The following SETX variants were observed in gnomAD, a reference collection of about 807,000 sequenced individuals.
The protein encoded by SETX is helicase senataxin.
SETX carries 90 observed loss-of-function variants against 227.2 expected under a neutral mutation model. The observed-to-expected ratio is 0.40, with a 90% CI of 0.33 to 0.47. The LOEUF is 0.47. SETX is among the 20% of genes least tolerant of loss of function. SETX has a pLI of 0.91. For synonymous variants in SETX, 1,210 were observed against 1,113.2 expected, an observed-to-expected ratio of 1.09 and a Z score of -1.73; for missense variants, 3,052 against 3,181.5, an observed-to-expected ratio of 0.96 and a Z score of 0.98.
At chr9:132,302,681 CAAAAAA>C (rs57673567) in intron 11 of SETX, among the ~76,000 whole-genome samples, 1 of 78,482 alleles carries the variant, frequency 1.3e-5, no homozygotes, top group Middle Eastern at 7.7e-3. Flanking sequence ...AAAAAAAAAG[CAAAAAA>C]AAAAAAAAAA....
chr9:132,283,216 T>TA, intron 19 of SETX, 48 bp downstream of exon 19: 1 of 1,611,894 alleles, frequency 6.2e-7, no homozygotes, highest in Non-Finnish European at 8.5e-7. Context: ...ATCTAAGACT[T>TA]ACTCCTCATA....
chr9:132,341,377 C>A (rs939217722), intron 5 of SETX, among the ~76,000 whole-genome samples: 11 of 152,140 alleles, frequency 7.2e-5, no homozygotes, highest in Admixed American at 7.2e-4. Context: ...TCAGAGCATG[C>A]GCTTTCCTCG....
At chr9:132,337,218 T>A (rs1255593713) in intron 5 of SETX, among the ~76,000 whole-genome samples, 2 of 152,072 alleles carry the variant, frequency 1.3e-5, no homozygotes, top group African/African-American at 4.8e-5. Context: ...CATGTATTGA[T>A]AAAGCTAACT....
In SETX at chr9:132,275,509, TTATAG is replaced by T. The variant is rs1679386729; in HGVS notation, c.6936-94_6936-90del. ...TAAGTTCCACTGAGTTTGTTTCCCA[TTATAG>T]TAAAGGGCAGGCAGATAGGCTTCAT... On this transcript the variant is annotated intron_variant, in intron 22 of 25. Coordinates refer to ENST00000224140, the MANE Select transcript of SETX (RefSeq NM_015046.7). The T allele has an allele frequency of 5.9e-5, 71 of 1,207,794 alleles. No homozygotes were observed. The South Asian group carries it at 9.2e-4, about 16-fold the overall frequency. 74.8% of individuals were successfully genotyped at this position (1,207,794 alleles called of 1,614,324 possible). A position where few individuals can be genotyped will look rare whatever the true frequency, so the allele number is the denominator to read the frequency against.
intron 20 of SETX, among the ~76,000 whole-genome samples, chr9:132,279,167 GAA>G (rs1843352833): frequency 6.6e-6 from 1 of 152,242 alleles, no homozygotes; most frequent in African/African-American, 2.4e-5. Flanking sequence ...TCTGCAATCT[GAA>G]AAACAGTGAC....
At chr9:132,274,153 T>C (rs1248213428) in intron 23 of SETX, among the ~76,000 whole-genome samples, 1 of 152,136 alleles carries the variant, frequency 6.6e-6, no homozygotes. Context: ...TAAATCCTTG[T>C]AATAACCTGC....
chr9:132,332,993 T>C (rs886648172), intron 7 of SETX, among the ~76,000 whole-genome samples: 167 of 151,828 alleles, frequency 1.1e-3, no homozygotes, highest in African/African-American at 3.9e-3. Context: ...GACAGAATTA[T>C]ACATGTAGTT....
intron 20 of SETX, among the ~76,000 whole-genome samples, chr9:132,278,869 T>C (rs1308812429): frequency 6.6e-6 from 1 of 151,962 alleles, no homozygotes; most frequent in African/African-American, 2.4e-5. Flanking sequence ...CATTCATCCA[T>C]CTAATATGTA....
chr9:132,264,388 G>GGCCTCT lies in SETX; in HGVS notation c.7884_7885insAGAGGC (p.Glu2628_Leu2629insArgGly). 6.2e-7 allele frequency: 1 copy of GGCCTCT among 1,614,176 alleles called. No homozygotes were observed. The highest frequency in any genetic ancestry group is 8.5e-7 in the Non-Finnish European group (1 of 1,180,028). Reference sequence around the variant, plus strand: ...GCCCTGGCCTCTCTCCTGTGACAGAGCTCCTCTTCCGGGTCATCACATTTG... The same window carrying GGCCTCT: ...GCCCTGGCCTCTCTCCTGTGACAGAGGCCTCTCTCCTCTTCCGGGTCATCACATTTG... On this transcript the variant is annotated inframe_insertion, in exon 26 of 26. Transcript: ENST00000224140.
At chr9:132,348,702 G>C (rs1409357133) in intron 3 of SETX, among the ~76,000 whole-genome samples, 1 of 151,552 alleles carries the variant, frequency 6.6e-6, no homozygotes, top group Non-Finnish European at 1.5e-5. Context: ...AAACCGGAAG[G>C]ATCACTTGAG....
Position 132,303,191 on chromosome 9 carries a change from T to G in SETX, c.5375-2388A>C, listed in dbSNP as rs544490702. 7.9e-5 allele frequency among the ~76,000 whole-genome samples: 12 copies of G among 152,094 alleles called. No individual in the cohort carries two copies. In the South Asian group the frequency reaches 2.5e-3, roughly 32 times the overall value. ...TGCCACCATGCTCAGCTAATTTTTT[T>G]TTTTACTTTTCTGTAGAGACAGCGT... On this transcript the variant is annotated intron_variant, in intron 11 of 25. Transcript: ENST00000224140.
At chr9:132,330,629 A>G (rs2131464634) in intron 9 of SETX, 130 bp from the exon 10 acceptor site, 1 of 733,878 alleles carries the variant, frequency 1.4e-6, no homozygotes, top group Non-Finnish European at 2.4e-6. Context: ...ATTATGCTAT[A>G]CAATGGTATA....
chr9:132,335,198 G>T (rs561068647), intron 6 of SETX, among the ~76,000 whole-genome samples: 1 of 151,698 alleles, frequency 6.6e-6, no homozygotes, highest in African/African-American at 2.4e-5. Flanking sequence ...AGACCATCCT[G>T]GCTAACATGG....
chr9:132,265,244 T>G (rs1842586612), intron 25 of SETX, among the ~76,000 whole-genome samples: 2 of 144,036 alleles, frequency 1.4e-5, no homozygotes, highest in East Asian at 2.3e-4. Context: ...TTTTTTTTTT[T>G]GAGACAGAGA....
At chr9:132,349,126 C>CA (rs148250771) in intron 3 of SETX, 126 bp downstream of exon 3, 43,634 of 672,774 alleles carry the variant, frequency 0.065, 3 homozygotes, top group Non-Finnish European at 0.071. Context: ...AAAACAAAAA[C>CA]AAAAAAAAAA....
chr9:132,319,378 C>T (rs563238434), intron 10 of SETX, among the ~76,000 whole-genome samples: 1 of 152,284 alleles, frequency 6.6e-6, no homozygotes, highest in African/African-American at 2.4e-5. Flanking sequence ...ACTATTCCCC[C>T]AGTCTAAATG....
chr9:132,291,111 C>G lies in SETX; in HGVS notation c.6107-2460G>C, dbSNP rs1004261643. ...CAGCATATTTTTTATCCCAGTTCAG[C>G]TCATTTTCCTAAATTTAAGGTCAAC... On this transcript the variant is annotated intron_variant, in intron 15 of 25. Transcript: ENST00000224140. Among the ~76,000 whole-genome samples the G allele has an allele frequency of 8.7e-4, 130 of 149,544 alleles. 1 individual carries two copies. Among genetic ancestry groups the G allele is most frequent in the African/African-American group, 2.8e-3 (115 of 40,574 alleles).
At chr9:132,287,361 G>C (rs189229286) in intron 17 of SETX, among the ~76,000 whole-genome samples, 1 of 152,120 alleles carries the variant, frequency 6.6e-6, no homozygotes, top group Non-Finnish European at 1.5e-5. Context: ...GATGGCACAC[G>C]GCTGTAGTCC....
intron 11 of SETX, among the ~76,000 whole-genome samples, chr9:132,308,114 A>T (rs771166089): frequency 5.9e-5 from 9 of 152,242 alleles, no homozygotes; most frequent in African/African-American, 1.9e-4. Context: ...TCCAGCTAAC[A>T]TAAAATGATT....
Sources: allele counts gnomAD v4.1 joint callset (sites outside exome capture counted in the v4.1 genomes callset), GRCh38; gene constraint gnomAD v4.1.1; transcripts MANE v1.5; gene names NCBI Gene and HGNC (gene_info 2026-07-23, HGNC 2026-07-21).